CRTAP: variants seen among roughly 807,000 people sequenced by gnomAD.
The protein encoded by CRTAP is cartilage associated protein.
Under a neutral mutation model 42.7 loss-of-function variants are expected in CRTAP, and 33 were observed. The ratio of observed to expected loss-of-function variants is 0.77; its 90% CI spans 0.59 to 1.03. The LOEUF (loss-of-function observed/expected upper bound fraction) is 1.03, where lower values mean the gene tolerates loss of function less well. CRTAP is among the 50% of genes least tolerant of loss of function. The pLI is 0.00. For synonymous variants in CRTAP, 243 were observed against 217.7 expected, an observed-to-expected ratio of 1.12 and a Z score of -1.02; for missense variants, 613 against 533.9, an observed-to-expected ratio of 1.15 and a Z score of -1.46.
At chr3:33,123,715 C>A (rs763146254) in intron 2 of CRTAP, among the ~76,000 whole-genome samples, 1 of 150,766 alleles carries the variant, frequency 6.6e-6, no homozygotes, top group Non-Finnish European at 1.5e-5. Context: ...CTGCCACCTC[C>A]GCCTCCTAGG....
intron 6 of CRTAP, among the ~76,000 whole-genome samples, chr3:33,139,720 A>G (rs975083177): frequency 6.6e-6 from 1 of 152,054 alleles, no homozygotes; most frequent in African/African-American, 2.4e-5. Context: ...TCAGGTGATC[A>G]ACTTGCCTTG....
In CRTAP at chr3:33,142,670, T is replaced by A; in HGVS notation, c.*222T>A. 1.9e-6 allele frequency: 1 copy of A among 529,880 alleles called. No homozygotes were observed. The highest frequency in any genetic ancestry group is 3.4e-6 in the Non-Finnish European group (1 of 292,716). The allele number at this position is 529,880 out of a possible 1,614,324, so 32.8% of individuals were successfully genotyped here. On this transcript the variant is annotated 3_prime_UTR_variant, in exon 7 of 7. Coordinates refer to ENST00000320954, the MANE Select transcript of CRTAP (RefSeq NM_006371.5). ...TCACACCTATCTTTCTCACCTTTTT[T>A]TTGAGATGGAGTCTCGCTCTCTTGC...
At chr3:33,115,728 G>A (rs370244883) in intron 1 of CRTAP, among the ~76,000 whole-genome samples, 2 of 152,018 alleles carry the variant, frequency 1.3e-5, no homozygotes, top group African/African-American at 4.8e-5. Context: ...TTTAAACTTT[G>A]TTTTCAGTTT....
intron 6 of CRTAP, among the ~76,000 whole-genome samples, chr3:33,136,904 A>C (rs1464374915): frequency 6.6e-6 from 1 of 152,112 alleles, no homozygotes; most frequent in African/African-American, 2.4e-5. Flanking sequence ...TATCCAAACC[A>C]TATCAGGTAC....
At chr3:33,119,394 T>C (rs1028470375) in intron 1 of CRTAP, among the ~76,000 whole-genome samples, 1 of 151,892 alleles carries the variant, frequency 6.6e-6, no homozygotes, top group Non-Finnish European at 1.5e-5. Context: ...TGGCGTAAAA[T>C]GCGGGAAGAC....
At chr3:33,138,697 AC>A (rs1304670379) in intron 6 of CRTAP, among the ~76,000 whole-genome samples, 1 of 152,194 alleles carries the variant, frequency 6.6e-6, no homozygotes, top group Non-Finnish European at 1.5e-5. Flanking sequence ...AACTTCTAGT[AC>A]TATGTTGAAT....
chr3:33,140,004 T>C (rs1169786163), intron 6 of CRTAP, among the ~76,000 whole-genome samples: 2 of 152,264 alleles, frequency 1.3e-5, no homozygotes, highest in Admixed American at 1.3e-4. Context: ...AGGGACTAAA[T>C]TGTTTACTTC....
At chr3:33,122,477 G>C (rs879503269) in intron 2 of CRTAP, among the ~76,000 whole-genome samples, 3 of 152,006 alleles carry the variant, frequency 2.0e-5, no homozygotes, top group Non-Finnish European at 4.4e-5. Flanking sequence ...GGGAGGCCAA[G>C]GTGGGTGGAT....
At chr3:33,115,656 A>T (rs577596144) in intron 1 of CRTAP, among the ~76,000 whole-genome samples, 76 of 152,340 alleles carry the variant, frequency 5.0e-4, no homozygotes, top group African/African-American at 1.7e-3. Context: ...TGTGTTTTTT[A>T]AAATTACTAC....
At chr3:33,131,308 A>T (rs60617846) in intron 4 of CRTAP, among the ~76,000 whole-genome samples, 6,590 of 151,818 alleles carry the variant, frequency 0.043, 377 homozygotes, top group African/African-American at 0.13. Context: ...CCTCTTCAGA[A>T]CACGTAAGCC....
At chr3:33,135,133 C>T (rs374052738) in intron 6 of CRTAP, among the ~76,000 whole-genome samples, 17 of 152,202 alleles carry the variant, frequency 1.1e-4, no homozygotes, top group East Asian at 7.7e-4. Flanking sequence ...ACTGCCCTCC[C>T]AGGGTTGTGA....
At chr3:33,117,614 G>A (rs1701358323) in intron 1 of CRTAP, among the ~76,000 whole-genome samples, 1 of 152,218 alleles carries the variant, frequency 6.6e-6, no homozygotes, top group South Asian at 2.1e-4. Flanking sequence ...CTGACTCACA[G>A]GCACTGTTAA....
At chr3:33,125,844 A>G (rs911280301) in intron 3 of CRTAP, among the ~76,000 whole-genome samples, 2 of 152,166 alleles carry the variant, frequency 1.3e-5, no homozygotes, top group East Asian at 1.9e-4. Context: ...CAGTGTCCCA[A>G]TCATTTCAGA....
intron 5 of CRTAP, 65 bp downstream of exon 5, chr3:33,132,765 C>T (rs949818538): frequency 1.3e-6 from 2 of 1,585,150 alleles, no homozygotes; most frequent in Admixed American, 3.3e-5. Flanking sequence ...CTACCTCGTG[C>T]CTTAAGAGAA....
Position 33,121,932 on chromosome 3 carries a change from C to T in CRTAP, c.621+1439C>T, listed in dbSNP as rs1485717994. 2.6e-5 allele frequency among the ~76,000 whole-genome samples: 4 copies of T among 152,160 alleles called. No homozygotes were observed. The East Asian group carries it at 7.7e-4, about 29-fold the overall frequency. Reference sequence around the variant, plus strand: ...CTTCTAGCTCCATGCCTTACCCCAGCCTCCCGTGGTCCCTCATGCCTGCGC... The same window carrying T: ...CTTCTAGCTCCATGCCTTACCCCAGTCTCCCGTGGTCCCTCATGCCTGCGC... On this transcript the variant is annotated intron_variant, in intron 2 of 6. Coordinates refer to ENST00000320954, the MANE Select transcript of CRTAP (RefSeq NM_006371.5).
At chr3:33,137,327 G>A (rs1212569650) in intron 6 of CRTAP, among the ~76,000 whole-genome samples, 6 of 152,086 alleles carry the variant, frequency 3.9e-5, no homozygotes, top group African/African-American at 1.4e-4. Flanking sequence ...TGTTAGTTGA[G>A]ATGGAGTTTC....
chr3:33,124,604 C>T (rs752890009), intron 3 of CRTAP, 25 bp downstream of exon 3: 7 of 1,613,296 alleles, frequency 4.3e-6, no homozygotes, highest in Non-Finnish European at 5.9e-6. Context: ...AATAGGCTCA[C>T]TACTCCCATG....
At chr3:33,121,466 T>G (rs2029877847) in intron 2 of CRTAP, among the ~76,000 whole-genome samples, 1 of 151,360 alleles carries the variant, frequency 6.6e-6, no homozygotes, top group Admixed American at 6.6e-5. Context: ...GAAGTTATAG[T>G]TCCCAAGGCC....
chr3:33,135,466 A>T (rs1318529632), intron 6 of CRTAP, among the ~76,000 whole-genome samples: 2 of 152,178 alleles, frequency 1.3e-5, no homozygotes, highest in Admixed American at 6.6e-5. Flanking sequence ...GTCTCTACAA[A>T]AAATACAAAA....
Sources: gnomAD v4.1 joint callset for allele counts (sites outside exome capture counted in the v4.1 genomes callset) on GRCh38, gnomAD v4.1.1 for gene constraint, MANE v1.5 for transcripts, NCBI Gene and HGNC (gene_info 2026-07-23, HGNC 2026-07-21) for gene names.